The following BCAS3 variants were observed in gnomAD, a reference collection of about 807,000 sequenced individuals.
BCAS3 encodes BCAS4/BCAS3 fusion.
A neutral mutation model predicts 116.1 loss-of-function variants in BCAS3; 53 were observed. The observed-to-expected ratio is 0.46, with a 90% CI of 0.37 to 0.57. BCAS3 has a LOEUF of 0.57. Among genes scored for constraint, BCAS3 ranks in the 20% least tolerant of loss-of-function variants. The pLI, the probability that BCAS3 is intolerant of heterozygous loss-of-function variation, is 0.00. For missense variants in BCAS3, 917 were observed against 1,165.4 expected, an observed-to-expected ratio of 0.79 and a Z score of 3.10; for synonymous variants, 391 against 408.2, an observed-to-expected ratio of 0.96 and a Z score of 0.51.
intron 5 of BCAS3, among the ~76,000 whole-genome samples, chr17:60,728,886 TTATG>T (rs2040182368): frequency 6.6e-6 from 1 of 152,342 alleles, no homozygotes; most frequent in African/African-American, 2.4e-5. Flanking sequence ...ATATGTGTGT[TTATG>T]TATGTCTGTA....
chr17:60,977,169 A>G (rs1471423314), intron 14 of BCAS3, among the ~76,000 whole-genome samples: 1 of 151,942 alleles, frequency 6.6e-6, no homozygotes, highest in Non-Finnish European at 1.5e-5. Flanking sequence ...ACGAAACAAT[A>G]TTTTTTAAGC....
At chr17:61,263,996 G>A (rs941809070) in intron 22 of BCAS3, among the ~76,000 whole-genome samples, 4 of 152,154 alleles carry the variant, frequency 2.6e-5, no homozygotes, top group African/African-American at 7.2e-5. Context: ...AGTATAAATC[G>A]ACATAATCCT....
In BCAS3 at chr17:60,726,814, G is replaced by A. The variant is rs746314048; in HGVS notation, c.321+17489G>A. Among the ~76,000 whole-genome samples the A allele has an allele frequency of 9.2e-5, 14 of 152,180 alleles. No homozygotes were observed. In the South Asian group the frequency reaches 1.0e-3, roughly 11 times the overall value. On this transcript the variant is annotated intron_variant, in intron 5 of 23. Transcript: ENST00000407086. The stretch of plus-strand genomic sequence containing the variant: ...GTGAGCCACTGCTACTGGCCAAGAG[G>A]GAGGAGTTTTAACACTTGTGCTGCC...
At chr17:60,921,952 T>C (rs2059125671) in intron 12 of BCAS3, among the ~76,000 whole-genome samples, 1 of 152,116 alleles carries the variant, frequency 6.6e-6, no homozygotes, top group Non-Finnish European at 1.5e-5. Context: ...AATAAAACAA[T>C]TGTTAACACA....
Position 61,186,712 on chromosome 17 carries a change from AGTT to A in BCAS3, c.2425+102152_2425+102154del, listed in dbSNP as rs1382903766. Among the ~76,000 whole-genome samples, 8 of 150,886 alleles carry A rather than the reference AGTT, an allele frequency of 5.3e-5. No homozygotes were observed. The highest frequency in any genetic ancestry group is 1.3e-4 in the Admixed American group (2 of 15,138). ...CTGTTTAGAGGCCACCAATATTAAC[AGTT>A]GTTTTTTTTTTTTGAGACGGAGTCT... is the stretch of plus-strand genomic sequence containing the variant. On this transcript the variant is annotated intron_variant, in intron 22 of 23. Transcript: ENST00000407086. This position sits in a 1 kb window ranked among gnomAD's most constrained non-coding sequence, Gnocchi z 4.9.
At chr17:60,762,903 G>A (rs184306466) in intron 6 of BCAS3, among the ~76,000 whole-genome samples, 14 of 151,836 alleles carry the variant, frequency 9.2e-5, no homozygotes, top group Admixed American at 7.2e-4. Flanking sequence ...TCTTCTTGAA[G>A]AGGTCCTTCA....
chr17:60,812,568 C>T (rs2048935355), intron 7 of BCAS3, among the ~76,000 whole-genome samples: 1 of 152,072 alleles, frequency 6.6e-6, no homozygotes, highest in African/African-American at 2.4e-5. Context: ...TAAGTTGCTC[C>T]AGGGGAGGAG....
At chr17:61,263,799 T>C (rs956130344) in intron 22 of BCAS3, among the ~76,000 whole-genome samples, 1 of 152,234 alleles carries the variant, frequency 6.6e-6, no homozygotes, top group African/African-American at 2.4e-5. Context: ...TGGAACATAA[T>C]GTACATATAT....
Position 60,861,614 on chromosome 17 carries a change from G to A in BCAS3, c.477-6962G>A, listed in dbSNP as rs531333985. 3.3e-5 allele frequency among the ~76,000 whole-genome samples: 5 copies of A among 152,218 alleles called. No homozygotes were observed. In the South Asian group the frequency reaches 8.3e-4, roughly 25 times the overall value. On this transcript the variant is annotated intron_variant, in intron 7 of 23. Coordinates refer to ENST00000407086, the MANE Select transcript of BCAS3 (RefSeq NM_017679.5). The stretch of plus-strand genomic sequence containing the variant: ...CCAGTTTTTGCCTGTTCGGTATCGT[G>A]TTGGCTGTGGGTTTGTCATAGATGG...
chr17:61,283,492 C>T (rs141849811), intron 22 of BCAS3, among the ~76,000 whole-genome samples: 5,247 of 149,344 alleles, frequency 0.035, 311 homozygotes, highest in African/African-American at 0.12. Flanking sequence ...CTGGCTCTGT[C>T]GCCCAGGCTA....
Position 60,747,089 on chromosome 17 carries a change from T to C in BCAS3, c.322-109T>C, listed in dbSNP as rs2042068868. The C allele has an allele frequency of 4.2e-5, 29 of 697,200 alleles. 1 individual carries two copies. In the South Asian group the frequency reaches 5.4e-4, roughly 13 times the overall value. The allele number at this position is 697,200 out of a possible 1,614,324, so 43.2% of individuals were successfully genotyped here. A position where few individuals can be genotyped will look rare whatever the true frequency, so the allele number is the denominator to read the frequency against. ...ATAAATGGGTGTGGGTGTATGTATA[T>C]ATATTTCAGACAAAATATTGTTATA... On this transcript the variant is annotated intron_variant, in intron 5 of 23. Transcript: ENST00000407086.
chr17:60,955,136 A>G (rs974957565), intron 14 of BCAS3, among the ~76,000 whole-genome samples: 1 of 152,146 alleles, frequency 6.6e-6, no homozygotes, highest in African/African-American at 2.4e-5. Context: ...ATTGATTTTT[A>G]TATGCATAGG....
intron 6 of BCAS3, among the ~76,000 whole-genome samples, chr17:60,797,870 G>A (rs1305020398): frequency 6.6e-6 from 1 of 152,056 alleles, no homozygotes; most frequent in Non-Finnish European, 1.5e-5. Context: ...GCGAGACCCC[G>A]TTTCTGCAAA....
At chr17:60,974,778 G>A (rs1045479380) in intron 14 of BCAS3, among the ~76,000 whole-genome samples, 1 of 152,092 alleles carries the variant, frequency 6.6e-6, no homozygotes, top group African/African-American at 2.4e-5. Flanking sequence ...TATCTCATTA[G>A]TTGAGAACTC....
At chr17:61,040,005 A>G (rs960917535) in intron 18 of BCAS3, among the ~76,000 whole-genome samples, 4 of 152,262 alleles carry the variant, frequency 2.6e-5, no homozygotes, top group Admixed American at 6.5e-5. Context: ...TCAAACGTGC[A>G]TAATGATTAG....
At chr17:61,201,229 C>T (rs72832578) in intron 22 of BCAS3, among the ~76,000 whole-genome samples, 8 of 152,318 alleles carry the variant, frequency 5.3e-5, no homozygotes, top group Non-Finnish European at 1.2e-4. Flanking sequence ...AATGAGGAGG[C>T]CTGCAGACAG....
intron 19 of BCAS3, among the ~76,000 whole-genome samples, chr17:61,072,599 G>A (rs1334426096): frequency 1.3e-5 from 2 of 149,466 alleles, no homozygotes; most frequent in Non-Finnish European, 3.0e-5. Context: ...GTACTAGCTA[G>A]TTACGTAAGG....
Position 60,868,557 on chromosome 17 carries a change from T to G in BCAS3, c.477-19T>G, listed in dbSNP as rs1339487281. On this transcript the variant is annotated intron_variant, in intron 7 of 23. Coordinates refer to ENST00000407086, the MANE Select transcript of BCAS3 (RefSeq NM_017679.5). ...CTTTTTTAAAAAAATGACATTTTTC[T>G]TTCTTTTTTCTTTTTTAGCACAAGC... 2 of 1,478,650 alleles carry G rather than the reference T, an allele frequency of 1.4e-6. No homozygotes were observed. The highest frequency in any genetic ancestry group is 1.8e-6 in the Non-Finnish European group (2 of 1,102,890). The allele number at this position is 1,478,650 out of a possible 1,614,324, so 91.6% of individuals were successfully genotyped here. A position where few individuals can be genotyped will look rare whatever the true frequency, so the allele number is the denominator to read the frequency against.
intron 4 of BCAS3, among the ~76,000 whole-genome samples, chr17:60,690,690 G>A (rs1303081877): frequency 1.3e-5 from 2 of 152,074 alleles, no homozygotes; most frequent in African/African-American, 4.8e-5. Context: ...GGAGGCTGAG[G>A]TGGGAGGATC....
Sources: allele counts gnomAD v4.1 joint callset (sites outside exome capture counted in the v4.1 genomes callset), GRCh38; gene constraint gnomAD v4.1.1; non-coding constraint Gnocchi (gnomAD v3.1); transcripts MANE v1.5; gene names NCBI Gene and HGNC (gene_info 2026-07-23, HGNC 2026-07-21).